Variants in FAR2 observed in about 807,000 individuals in gnomAD.
FAR2 encodes the protein epididymis secretory protein Li 81.
In FAR2, 19 loss-of-function variants were observed where a neutral mutation model predicts 56.0. The ratio of observed to expected loss-of-function variants is 0.34; its 90% CI spans 0.24 to 0.50. The LOEUF is 0.50. FAR2 is among the 20% of genes least tolerant of loss of function. The pLI is 0.98. For synonymous variants in FAR2, 219 were observed against 218.8 expected, an observed-to-expected ratio of 1.00 and a Z score of -0.01; for missense variants, 508 against 642.2, an observed-to-expected ratio of 0.79 and a Z score of 2.26.
At chr12:29,287,156 C>T (rs146979832) in intron 2 of FAR2, among the ~76,000 whole-genome samples, 165 of 152,254 alleles carry the variant, frequency 1.1e-3, no homozygotes, top group African/African-American at 3.9e-3. Flanking sequence ...GATAGATGCC[C>T]AAGCTTGGAC....
At chr12:29,275,308 G>C (rs1396212145) in intron 2 of FAR2, among the ~76,000 whole-genome samples, 3 of 151,978 alleles carry the variant, frequency 2.0e-5, no homozygotes, top group African/African-American at 7.3e-5. Flanking sequence ...CCAGGAGAAG[G>C]AATTTCACAA....
At chr12:29,282,126 T>C (rs188108519) in intron 2 of FAR2, 8 of 152,210 alleles carry the variant, frequency 5.3e-5, no homozygotes, top group Non-Finnish European at 1.0e-4. Context: ...CTCCCCCATA[T>C]CCTAACCAAA....
intron 4 of FAR2, among the ~76,000 whole-genome samples, chr12:29,305,973 A>T (rs981779865): frequency 1.3e-5 from 2 of 151,164 alleles, no homozygotes; most frequent in African/African-American, 4.9e-5. Flanking sequence ...TTGGGCTCTG[A>T]TGTTTCCTAG....
At chr12:29,238,146 C>A (rs1478448342) in intron 1 of FAR2, among the ~76,000 whole-genome samples, 3 of 152,030 alleles carry the variant, frequency 2.0e-5, no homozygotes, top group Admixed American at 6.6e-5. Flanking sequence ...AGGAGAATAT[C>A]CACAATTATC....
intron 1 of FAR2, among the ~76,000 whole-genome samples, chr12:29,208,261 T>A (rs143899887): frequency 6.6e-6 from 1 of 152,164 alleles, no homozygotes; most frequent in South Asian, 2.1e-4. Flanking sequence ...TTAAAGACCA[T>A]GGGCACTGCT....
intron 2 of FAR2, among the ~76,000 whole-genome samples, chr12:29,272,358 C>T (rs143500461): frequency 1.3e-3 from 193 of 152,206 alleles, no homozygotes; most frequent in African/African-American, 4.4e-3. Flanking sequence ...CTATTCTTGT[C>T]GGCATCTTAT....
chr12:29,320,290 A>G (rs1430845923), intron 9 of FAR2, among the ~76,000 whole-genome samples: 1 of 152,238 alleles, frequency 6.6e-6, no homozygotes, highest in Non-Finnish European at 1.5e-5. Context: ...ATAGTTCTGT[A>G]CATCCAATGA....
intron 1 of FAR2, among the ~76,000 whole-genome samples, chr12:29,157,595 T>C (rs906427758): frequency 6.6e-6 from 1 of 152,208 alleles, no homozygotes; most frequent in Non-Finnish European, 1.5e-5. Flanking sequence ...AATAACAGGA[T>C]GACCATAGGA....
intron 1 of FAR2, among the ~76,000 whole-genome samples, chr12:29,197,866 T>C (rs1318731688): frequency 6.6e-6 from 1 of 152,108 alleles, no homozygotes; most frequent in East Asian, 1.9e-4. Flanking sequence ...ATATTTGAAC[T>C]CAAGAAAAAG....
intron 3 of FAR2, among the ~76,000 whole-genome samples, chr12:29,294,479 T>C (rs1591938433): frequency 6.6e-6 from 1 of 151,896 alleles, no homozygotes; most frequent in East Asian, 1.9e-4. Context: ...TCCCAAGTAG[T>C]TGGGATTACG....
rs1289484108 is a variant in FAR2, at chr12:29,277,849, G to C, written c.189+7211G>C. ...AAAATGAGAAATAGACATTTAAGAAGAAATTTCCATCTCATCGAATGAGCA... is the reference window on the plus strand; with the variant it reads ...AAAATGAGAAATAGACATTTAAGAACAAATTTCCATCTCATCGAATGAGCA... On this transcript the variant is annotated intron_variant, in intron 2 of 11. Coordinates refer to ENST00000536681, the MANE Select transcript of FAR2 (RefSeq NM_001271783.2). 6.6e-5 allele frequency: 10 copies of C among 151,054 alleles called. No homozygotes were observed. In the East Asian group the frequency reaches 1.9e-3, roughly 29 times the overall value. The allele number at this position is 151,054 out of a possible 1,614,324, so 9.4% of individuals were successfully genotyped here.
At chr12:29,249,743 A>T (rs1343970588) in intron 1 of FAR2, among the ~76,000 whole-genome samples, 3 of 152,174 alleles carry the variant, frequency 2.0e-5, no homozygotes, top group African/African-American at 7.2e-5. Flanking sequence ...AGATTATTTT[A>T]TTATTATTAG....
At chr12:29,207,990 C>T (rs1282982042) in intron 1 of FAR2, among the ~76,000 whole-genome samples, 1 of 152,152 alleles carries the variant, frequency 6.6e-6, no homozygotes, top group Non-Finnish European at 1.5e-5. Context: ...TTACTTGGGT[C>T]CAGAAGCTCA....
chr12:29,321,899 C>A lies in FAR2; in HGVS notation c.1232C>A (p.Ser411Tyr), dbSNP rs1183401570. 1 of 1,613,502 alleles carries A rather than the reference C, an allele frequency of 6.2e-7. No individual in the cohort carries two copies. The highest frequency in any genetic ancestry group is 1.7e-5 in the Admixed American group (1 of 59,992). The change falls in exon 10 of 12, where the codon TCT becomes TAT. Residue 411 changes from serine to tyrosine, a missense_variant. Physicochemically the swap from Ser to Tyr is moderately radical, Grantham distance 144. Transcript: ENST00000536681. The stretch of plus-strand genomic sequence containing the variant: ...ACGTACAATACAGAAATGCTGATGT[C>A]TGAGCTGAGTCCTGAAGACCAGAGA... ...WSTYNTEMLM[S>Y]ELSPEDQRVF...
chr12:29,190,764 A>G (rs1437795531), intron 1 of FAR2, among the ~76,000 whole-genome samples: 1 of 144,104 alleles, frequency 6.9e-6, no homozygotes, highest in Non-Finnish European at 1.5e-5. Context: ...CGCCCGGCCA[A>G]AATTCACGGT....
chr12:29,197,134 T>C (rs1373904987), intron 1 of FAR2, among the ~76,000 whole-genome samples: 3 of 152,188 alleles, frequency 2.0e-5, no homozygotes, highest in Non-Finnish European at 4.4e-5. Flanking sequence ...CATAACGGTA[T>C]TATGCTATTC....
At chr12:29,265,882 GA>G (rs1389352379) in intron 1 of FAR2, among the ~76,000 whole-genome samples, 1 of 152,078 alleles carries the variant, frequency 6.6e-6, no homozygotes, top group Non-Finnish European at 1.5e-5. Flanking sequence ...CCCAAAAGAA[GA>G]CATACAAATG....
intron 1 of FAR2, among the ~76,000 whole-genome samples, chr12:29,188,531 T>G (rs1468775230): frequency 2.0e-5 from 3 of 152,206 alleles, no homozygotes; most frequent in Non-Finnish European, 2.9e-5. Flanking sequence ...TACAGAGGGT[T>G]TCTGCACACT....
intron 1 of FAR2, among the ~76,000 whole-genome samples, chr12:29,194,907 A>C (rs1201151543): frequency 6.6e-6 from 1 of 152,160 alleles, no homozygotes; most frequent in Non-Finnish European, 1.5e-5. Context: ...AGCAAGAAAA[A>C]GATTGTTTAG....
Sources: gnomAD v4.1 joint callset for allele counts (sites outside exome capture counted in the v4.1 genomes callset) on GRCh38, gnomAD v4.1.1 for gene constraint, MANE v1.5 for transcripts, NCBI Gene and HGNC (gene_info 2026-07-23, HGNC 2026-07-21) for gene names.